The following LEKR1 variants were observed in gnomAD, a reference collection of about 807,000 sequenced individuals.
LEKR1 encodes the protein protein LEKR1.
A neutral mutation model predicts 72.4 loss-of-function variants in LEKR1; 59 were observed. The observed-to-expected ratio is 0.82, with a 90% CI of 0.66 to 1.01. The LOEUF (loss-of-function observed/expected upper bound fraction) is 1.01, where lower values mean the gene tolerates loss of function less well. Ranked by LOEUF, LEKR1 falls within the 50% of genes least tolerant of loss-of-function variation. The pLI is 0.00. For missense variants in LEKR1, 728 were observed against 759.2 expected, an observed-to-expected ratio of 0.96 and a Z score of 0.48; for synonymous variants, 257 against 263.2, an observed-to-expected ratio of 0.98 and a Z score of 0.23.
chr3:156,933,390 C>T lies in LEKR1; in HGVS notation c.559+5786C>T, dbSNP rs140231423. Reference sequence around the variant, plus strand: ...TTTAAGAAACTACCCAAGACTTTTCCAAAGTGGTTGTTCCTTTCACATTTT... The same window carrying T: ...TTTAAGAAACTACCCAAGACTTTTCTAAAGTGGTTGTTCCTTTCACATTTT... On this transcript the variant is annotated intron_variant, in intron 5 of 12. Coordinates refer to ENST00000356539, the MANE Select transcript of LEKR1 (RefSeq NM_001004316.3). Among the ~76,000 whole-genome samples, 374 of 152,186 alleles carry T rather than the reference C, an allele frequency of 2.5e-3. 1 individual carries two copies. The highest frequency in any genetic ancestry group is 8.6e-3 in the African/African-American group (356 of 41,528).
chr3:157,024,021 G>C (rs952823537), intron 10 of LEKR1, among the ~76,000 whole-genome samples: 1 of 152,162 alleles, frequency 6.6e-6, no homozygotes, highest in Non-Finnish European at 1.5e-5. Flanking sequence ...AGTATCAGCT[G>C]TTTGCCCTCA....
intron 4 of LEKR1, among the ~76,000 whole-genome samples, chr3:156,923,759 G>A (rs980817573): frequency 1.9e-4 from 29 of 150,888 alleles, no homozygotes; most frequent in African/African-American, 6.1e-4. Context: ...ACGGAGGCTC[G>A]CTCTATCACC....
intron 10 of LEKR1, among the ~76,000 whole-genome samples, chr3:157,012,911 A>T (rs1733007929): frequency 6.6e-6 from 1 of 152,090 alleles, no homozygotes; most frequent in Admixed American, 6.6e-5. Context: ...ATGTTTAAAA[A>T]TTGAAAAAGA....
intron 3 of LEKR1, among the ~76,000 whole-genome samples, chr3:156,870,948 A>G (rs1560039798): frequency 6.6e-6 from 1 of 151,818 alleles, no homozygotes; most frequent in Non-Finnish European, 1.5e-5. Flanking sequence ...TATGTCCTTC[A>G]TTCTTTTTTT....
At chr3:156,851,057 T>A (rs1560024364) in intron 2 of LEKR1, 1 of 152,120 alleles carries the variant, frequency 6.6e-6, no homozygotes, top group Non-Finnish European at 1.5e-5. Context: ...TGAGAGAAGT[T>A]TGAGTCTTCT....
rs1726321354 is a variant in LEKR1 at position 156,942,669 on chromosome 3, G to A, written c.700G>A (p.Val234Ile). The change falls in exon 6 of 13, where the codon GTA becomes ATA. Residue 234 changes from valine to isoleucine, a missense_variant. Transcript: ENST00000356539. Reference protein sequence around the residue: ...QQIRTSRQQEVNLQTRCYDLQ... With the variant: ...QQIRTSRQQEINLQTRCYDLQ... Reference sequence around the variant, plus strand: ...GATTCGGACATCTAGACAACAGGAAGTAAACTTGCAAACCAGATGCTATGA... The same window carrying A: ...GATTCGGACATCTAGACAACAGGAAATAAACTTGCAAACCAGATGCTATGA... 2 of 1,267,100 alleles carry A rather than the reference G, an allele frequency of 1.6e-6. No homozygotes were observed. Among genetic ancestry groups the A allele is most frequent in the Non-Finnish European group, 1.0e-6 (1 of 981,352 alleles). The allele number at this position is 1,267,100 out of a possible 1,614,324, so 78.5% of individuals were successfully genotyped here. A position where few individuals can be genotyped will look rare whatever the true frequency, so the allele number is the denominator to read the frequency against.
chr3:156,874,946 T>C (rs1387445209), intron 3 of LEKR1, among the ~76,000 whole-genome samples: 1 of 152,208 alleles, frequency 6.6e-6, no homozygotes, highest in East Asian at 1.9e-4. Flanking sequence ...TTGATGGGTA[T>C]TTAGACTGGT....
At chr3:156,932,415 C>T (rs1725304755) in intron 5 of LEKR1, among the ~76,000 whole-genome samples, 1 of 151,956 alleles carries the variant, frequency 6.6e-6, no homozygotes, top group Non-Finnish European at 1.5e-5. Flanking sequence ...TTATAACAAA[C>T]ATGTAAAAAG....
At chr3:156,875,292 T>C (rs898553189) in intron 3 of LEKR1, among the ~76,000 whole-genome samples, 1 of 152,230 alleles carries the variant, frequency 6.6e-6, no homozygotes, top group Non-Finnish European at 1.5e-5. Flanking sequence ...GTTGAGCATT[T>C]TTTTATGTTT....
chr3:156,889,371 C>T (rs1251432804), intron 3 of LEKR1, among the ~76,000 whole-genome samples: 3 of 150,402 alleles, frequency 2.0e-5, no homozygotes, highest in Non-Finnish European at 4.4e-5. Context: ...TTGCCCAAAT[C>T]TTAAATCATT....
intron 6 of LEKR1, among the ~76,000 whole-genome samples, chr3:156,972,356 G>A (rs181581870): frequency 2.5e-4 from 38 of 152,060 alleles, no homozygotes; most frequent in African/African-American, 7.7e-4. Flanking sequence ...GGTCGGAGGA[G>A]GGGGGAGGGA....
chr3:157,004,162 C>T (rs1732228768), intron 9 of LEKR1, among the ~76,000 whole-genome samples: 1 of 151,718 alleles, frequency 6.6e-6, no homozygotes, highest in Non-Finnish European at 1.5e-5. Flanking sequence ...ACACACTGAC[C>T]CTAATCAGAA....
intron 6 of LEKR1, among the ~76,000 whole-genome samples, chr3:156,970,166 T>C (rs139290512): frequency 0.11 from 16,374 of 152,218 alleles, 1,020 homozygotes; most frequent in South Asian, 0.24. Flanking sequence ...GCCAATATCA[T>C]GCTGAATGGG....
At chr3:156,962,590 G>A (rs1288763198) in intron 6 of LEKR1, among the ~76,000 whole-genome samples, 2 of 152,150 alleles carry the variant, frequency 1.3e-5, no homozygotes, top group East Asian at 3.9e-4. Flanking sequence ...GATCACTGGA[G>A]TCGTCTAAGA....
chr3:156,827,481 C>T (rs972652502), intron 1 of LEKR1, among the ~76,000 whole-genome samples: 2 of 152,226 alleles, frequency 1.3e-5, no homozygotes, highest in Non-Finnish European at 2.9e-5. Context: ...GTATAGAACA[C>T]TATGTTAAGC....
At chr3:156,935,404 C>T (rs1487350178) in intron 5 of LEKR1, among the ~76,000 whole-genome samples, 1 of 152,078 alleles carries the variant, frequency 6.6e-6, no homozygotes, top group Non-Finnish European at 1.5e-5. Context: ...ATCAAATTTC[C>T]AGGGCATGGA....
chr3:157,032,167 A>G (rs1231213579), intron 12 of LEKR1, among the ~76,000 whole-genome samples: 5 of 152,154 alleles, frequency 3.3e-5, no homozygotes, highest in African/African-American at 7.2e-5. Flanking sequence ...GTGCTTCTTG[A>G]TGCCCATTTT....
At chr3:156,965,481 A>G (rs1384660454) in intron 6 of LEKR1, among the ~76,000 whole-genome samples, 1 of 151,972 alleles carries the variant, frequency 6.6e-6, no homozygotes, top group Admixed American at 6.6e-5. Context: ...GGTTTAATCT[A>G]CTCTTCCCTT....
At chr3:156,950,436 CAT>C (rs1370969420) in intron 6 of LEKR1, among the ~76,000 whole-genome samples, 4 of 151,674 alleles carry the variant, frequency 2.6e-5, no homozygotes, top group Admixed American at 6.6e-5. Context: ...GCAGTATGGC[CAT>C]TTTACTGATA....
Sources: gnomAD v4.1 joint callset for allele counts (sites outside exome capture counted in the v4.1 genomes callset) on GRCh38, gnomAD v4.1.1 for gene constraint, MANE v1.5 for transcripts, NCBI Gene and HGNC (gene_info 2026-07-23, HGNC 2026-07-21) for gene names.